Variants in NR3C2 observed in about 807,000 individuals in gnomAD.
NR3C2 encodes nuclear receptor subfamily 3 group C member 2, also known as mineralocorticoid receptor.
A neutral mutation model predicts 86.4 loss-of-function variants in NR3C2; 15 were observed. The observed-to-expected ratio is 0.17, with a 90% CI of 0.12 to 0.27. The LOEUF (loss-of-function observed/expected upper bound fraction) is 0.27, where lower values mean the gene tolerates loss of function less well. Ranked by LOEUF, NR3C2 falls within the 10% of genes least tolerant of loss-of-function variation. The probability of loss-of-function intolerance (pLI) is 1.00; values close to 1 mark genes in which losing one functional copy is unlikely to be tolerated. For missense variants in NR3C2, 960 were observed against 1,195.6 expected (o/e 0.80, Z 2.91); for synonymous variants, 458 against 450.5 (o/e 1.02, Z -0.21).
intron 2 of NR3C2, among the ~76,000 whole-genome samples, chr4:148,364,721 C>A (rs1746021020): frequency 6.6e-6 from 1 of 151,840 alleles, no homozygotes; most frequent in Non-Finnish European, 1.5e-5. Flanking sequence ...CACAATGTGC[C>A]ATATGGCCTG....
intron 3 of NR3C2, among the ~76,000 whole-genome samples, chr4:148,211,458 T>A (rs770351698): frequency 6.6e-6 from 1 of 152,184 alleles, no homozygotes; most frequent in Non-Finnish European, 1.5e-5. Flanking sequence ...CTCACTGCAG[T>A]TCTAGATGTT....
rs191391506 is a variant in NR3C2, at chr4:148,282,417, T to A, written c.1758-22300A>T. ...TTAGCAATAAAACCATTTTATGTAA[T>A]AGGAAAATTAAATGGAAATTTGTTC... On this transcript the variant is annotated intron_variant, in intron 2 of 8. Coordinates refer to ENST00000358102, the MANE Select transcript of NR3C2 (RefSeq NM_000901.5). Among the ~76,000 whole-genome samples, 3 of 152,312 alleles carry A rather than the reference T, an allele frequency of 2.0e-5. No individual in the cohort carries two copies. In the East Asian group the frequency reaches 5.8e-4, roughly 29 times the overall value.
intron 2 of NR3C2, among the ~76,000 whole-genome samples, chr4:148,324,366 T>TG (rs1561043265): frequency 0.015 from 1,099 of 71,912 alleles, 3 homozygotes; most frequent in African/African-American, 0.046. Context: ...TGTGTGTGTG[T>TG]TTGTGTGTGT....
At chr4:148,204,536 T>A (rs1736904676) in intron 3 of NR3C2, among the ~76,000 whole-genome samples, 1 of 152,166 alleles carries the variant, frequency 6.6e-6, no homozygotes, top group Non-Finnish European at 1.5e-5. Context: ...TAAGACAAAT[T>A]CGGAGTGGTA....
At chr4:148,219,176 C>G (rs1737703117) in intron 3 of NR3C2, among the ~76,000 whole-genome samples, 1 of 152,130 alleles carries the variant, frequency 6.6e-6, no homozygotes, top group South Asian at 2.1e-4. Flanking sequence ...GAAATTACAT[C>G]TCATTATGGT....
intron 2 of NR3C2, among the ~76,000 whole-genome samples, chr4:148,313,336 T>C (rs1325147964): frequency 6.6e-6 from 1 of 152,184 alleles, no homozygotes; most frequent in Non-Finnish European, 1.5e-5. Flanking sequence ...TGCATAAAAA[T>C]ATTTTTGAAC....
chr4:148,429,986 A>G (rs987664260), intron 2 of NR3C2, among the ~76,000 whole-genome samples: 1 of 152,210 alleles, frequency 6.6e-6, no homozygotes, highest in Non-Finnish European at 1.5e-5. Flanking sequence ...AAACATAATG[A>G]CATCAAAGTA....
At chr4:148,207,361 T>A (rs1454384362) in intron 3 of NR3C2, among the ~76,000 whole-genome samples, 1 of 152,180 alleles carries the variant, frequency 6.6e-6, no homozygotes, top group Non-Finnish European at 1.5e-5. Context: ...ACCTGGCCAG[T>A]CAAACAGAAG....
At chr4:148,251,479 T>C (rs61760289) in intron 3 of NR3C2, among the ~76,000 whole-genome samples, 11 of 152,324 alleles carry the variant, frequency 7.2e-5, no homozygotes, top group Non-Finnish European at 1.5e-4. Flanking sequence ...AGCAGCTTCA[T>C]GTCCTAGGAC....
chr4:148,085,541 G>A (rs1730773921), intron 8 of NR3C2, among the ~76,000 whole-genome samples: 1 of 152,214 alleles, frequency 6.6e-6, no homozygotes, highest in Non-Finnish European at 1.5e-5. Flanking sequence ...GAGACAGCAG[G>A]AAGGATCTAA....
At chr4:148,401,020 C>A (rs1748134589) in intron 2 of NR3C2, among the ~76,000 whole-genome samples, 1 of 152,142 alleles carries the variant, frequency 6.6e-6, no homozygotes, top group Non-Finnish European at 1.5e-5. Flanking sequence ...CTACTAATAA[C>A]AACATCAAAC....
chr4:148,244,822 C>T (rs764128468), intron 3 of NR3C2, among the ~76,000 whole-genome samples: 1 of 152,150 alleles, frequency 6.6e-6, no homozygotes, highest in Non-Finnish European at 1.5e-5. Context: ...ACAAAAATTA[C>T]ATTTAGGACT....
At chr4:148,389,927 T>C (rs1302336297) in intron 2 of NR3C2, among the ~76,000 whole-genome samples, 1 of 152,140 alleles carries the variant, frequency 6.6e-6, no homozygotes, top group Non-Finnish European at 1.5e-5. Flanking sequence ...TGTAACACTA[T>C]GCCTCAACTT....
At chr4:148,098,191 C>T (rs1472317686) in intron 8 of NR3C2, among the ~76,000 whole-genome samples, 1 of 152,216 alleles carries the variant, frequency 6.6e-6, no homozygotes, top group Non-Finnish European at 1.5e-5. Flanking sequence ...ATTACGGTTA[C>T]ATTGCTGGTC....
chr4:148,390,199 T>C (rs1747472578), intron 2 of NR3C2, among the ~76,000 whole-genome samples: 1 of 138,426 alleles, frequency 7.2e-6, no homozygotes, highest in Admixed American at 7.3e-5. Context: ...AAAAAAAAAG[T>C]CTGCGGGAAA....
chr4:148,415,684 G>A (rs1171588264), intron 2 of NR3C2, among the ~76,000 whole-genome samples: 1 of 152,142 alleles, frequency 6.6e-6, no homozygotes, highest in Non-Finnish European at 1.5e-5. Flanking sequence ...TGAACAAAAT[G>A]CTCATCAGCC....
intron 4 of NR3C2, among the ~76,000 whole-genome samples, chr4:148,156,082 C>T (rs894876399): frequency 1.5e-3 from 229 of 152,156 alleles, no homozygotes; most frequent in Non-Finnish European, 2.6e-3. Flanking sequence ...AAACTGGATC[C>T]CTTCCTTACA....
intron 3 of NR3C2, chr4:148,208,677 C>T (rs1341368073): frequency 6.6e-6 from 1 of 152,314 alleles, no homozygotes; most frequent in Non-Finnish European, 1.5e-5. Flanking sequence ...CCAGCAGTTT[C>T]TGCACTCTGC....
At position 148,305,022 on chromosome 4, in the gene NR3C2, TAA is replaced by T. The variant is rs56203707; in HGVS notation, c.1758-44907_1758-44906del. 8.1e-5 allele frequency among the ~76,000 whole-genome samples: 12 copies of T among 148,426 alleles called. No homozygotes were observed. In the South Asian group the frequency reaches 1.1e-3, roughly 13 times the overall value. On this transcript the variant is annotated intron_variant, in intron 2 of 8. Coordinates refer to ENST00000358102, the MANE Select transcript of NR3C2 (RefSeq NM_000901.5). Reference sequence around the variant, plus strand: ...CCAGGTTTTAGCTGAACTAACGAGTTAAAAAAAAAAATCCATCATCATCGCTT... The same window carrying T: ...CCAGGTTTTAGCTGAACTAACGAGTTAAAAAAAAATCCATCATCATCGCTT...
Sources: allele counts gnomAD v4.1 joint callset (sites outside exome capture counted in the v4.1 genomes callset), GRCh38; gene constraint gnomAD v4.1.1; transcripts MANE v1.5; gene names NCBI Gene and HGNC (gene_info 2026-07-23, HGNC 2026-07-21).